RTL4: variants seen among roughly 807,000 people sequenced by gnomAD.
RTL4 encodes the protein retrotransposon Gag-like protein 4.
Under a neutral mutation model 5.3 loss-of-function variants are expected in RTL4, and 4 were observed. The observed-to-expected ratio is 0.75, with a 90% confidence interval of 0.37 to 1.72. The LOEUF is 1.72. Ranked by LOEUF, RTL4 falls within the 40% of genes most tolerant of loss-of-function variation. RTL4 has a pLI of 0.04. For synonymous variants in RTL4, 98 were observed against 87.3 expected (o/e 1.12, Z -0.68); for missense variants, 260 against 227.1 (o/e 1.14, Z -0.93).
the RTL4 span, among the ~76,000 whole-genome samples, chrX:112,400,907 C>T: frequency 1.8e-5 from 2 of 111,318 alleles, no homozygotes; most frequent in Admixed American, 1.9e-4. Flanking sequence ...CCTAGACTCT[C>T]AGCTCTGTCT....
the RTL4 span, among the ~76,000 whole-genome samples, chrX:112,155,882 C>A: frequency 9.0e-6 from 1 of 111,326 alleles, no homozygotes; most frequent in African/African-American, 3.3e-5. Flanking sequence ...TATTACTAAT[C>A]TTGTTATTAA....
At chrX:112,187,375 G>T in the RTL4 span, among the ~76,000 whole-genome samples, 1 of 111,637 alleles carries the variant, frequency 9.0e-6, no homozygotes, top group African/African-American at 3.3e-5. Context: ...CTAGGTGACA[G>T]ACAACATTCA....
At chrX:112,268,197 G>A in the RTL4 span, among the ~76,000 whole-genome samples, 3 of 111,091 alleles carry the variant, frequency 2.7e-5, no homozygotes, top group Middle Eastern at 0.014. Context: ...TTCTTACTTT[G>A]TTCTAACCAC....
the RTL4 span, among the ~76,000 whole-genome samples, chrX:112,136,191 C>T: frequency 2.7e-5 from 3 of 111,534 alleles, no homozygotes; most frequent in African/African-American, 9.7e-5. Context: ...TATCTTGCAA[C>T]TTTACTGAAT....
the RTL4 span, among the ~76,000 whole-genome samples, chrX:112,370,376 A>G: frequency 9.0e-6 from 1 of 111,380 alleles, no homozygotes; most frequent in Non-Finnish European, 1.9e-5. Flanking sequence ...TCACGGTAAC[A>G]ACAGTTAAAT....
At chrX:112,090,651 A>T in the RTL4 span, among the ~76,000 whole-genome samples, 3 of 111,246 alleles carry the variant, frequency 2.7e-5, no homozygotes, top group South Asian at 1.1e-3. Context: ...TTGGTTTACT[A>T]GTATTTTTTT....
the RTL4 span, among the ~76,000 whole-genome samples, chrX:112,155,291 C>A: frequency 9.1e-6 from 1 of 110,248 alleles, no homozygotes; most frequent in East Asian, 2.8e-4. Flanking sequence ...CCTGGCTTTT[C>A]TTTTTAAATT....
chrX:112,181,075 G>A, the RTL4 span, among the ~76,000 whole-genome samples: 1 of 111,166 alleles, frequency 9.0e-6, no homozygotes, highest in African/African-American at 3.3e-5. Context: ...GAAGTGCAAG[G>A]CGTCAGGGAA....
At chrX:112,392,185 C>G in the RTL4 span, among the ~76,000 whole-genome samples, 1 of 112,025 alleles carries the variant, frequency 8.9e-6, no homozygotes, top group Non-Finnish European at 1.9e-5. Context: ...TTCAGTTGCC[C>G]CTGGGGGCTC....
chrX:112,151,441 T>C, the RTL4 span, among the ~76,000 whole-genome samples: 2 of 112,081 alleles, frequency 1.8e-5, no homozygotes, highest in Non-Finnish European at 3.8e-5. Flanking sequence ...CACAACCTGG[T>C]GTGCACTAAC....
chrX:112,403,498 T>C, the RTL4 span, among the ~76,000 whole-genome samples: 1 of 111,891 alleles, frequency 8.9e-6, no homozygotes, highest in South Asian at 3.8e-4. Context: ...TATTTGACTT[T>C]GAGAAACCCA....
the RTL4 span, among the ~76,000 whole-genome samples, chrX:112,395,332 G>A: frequency 2.7e-5 from 3 of 111,155 alleles, no homozygotes; most frequent in East Asian, 8.4e-4. Flanking sequence ...CTAAAGGAGA[G>A]AATAGATGTC....
At chrX:112,174,169 G>A in the RTL4 span, among the ~76,000 whole-genome samples, 5 of 101,584 alleles carry the variant, frequency 4.9e-5, no homozygotes, top group African/African-American at 1.8e-4. Flanking sequence ...CCATGCTGGT[G>A]TGCTGCACCC....
the RTL4 span, among the ~76,000 whole-genome samples, chrX:112,188,889 G>T: frequency 9.0e-6 from 1 of 110,694 alleles, no homozygotes; most frequent in East Asian, 2.9e-4. Context: ...GAAAAGTGGG[G>T]CCAATAGAGA....
At chrX:112,318,974 T>C in the RTL4 span, among the ~76,000 whole-genome samples, 1 of 111,499 alleles carries the variant, frequency 9.0e-6, no homozygotes, top group Non-Finnish European at 1.9e-5. Flanking sequence ...TTTTTAGTTC[T>C]TCCAAGGTCA....
At chrX:112,249,478 G>A in the RTL4 span, among the ~76,000 whole-genome samples, 1 of 111,204 alleles carries the variant, frequency 9.0e-6, no homozygotes, top group South Asian at 3.8e-4. Context: ...AGGTGTTTCT[G>A]GATGAGAGTA....
chrX:112,249,644 G>A, the RTL4 span, among the ~76,000 whole-genome samples: 2 of 109,704 alleles, frequency 1.8e-5, no homozygotes, highest in Non-Finnish European at 3.8e-5. Context: ...ACTCAGATTG[G>A]AACTTACATC....
chrX:112,233,177 C>A, the RTL4 span, among the ~76,000 whole-genome samples: 1 of 111,944 alleles, frequency 8.9e-6, no homozygotes, highest in Non-Finnish European at 1.9e-5. Context: ...CACCTACCAA[C>A]AGAGTGTAAA....
At chrX:112,175,110 T>C in the RTL4 span, among the ~76,000 whole-genome samples, 1 of 106,932 alleles carries the variant, frequency 9.4e-6, no homozygotes, top group African/African-American at 3.4e-5. Context: ...AATTTTGGCT[T>C]TTGTTGCCAT....
Sources: allele counts gnomAD v4.1 joint callset (sites outside exome capture counted in the v4.1 genomes callset), GRCh38; gene constraint gnomAD v4.1.1; transcripts MANE v1.5; gene names NCBI Gene and HGNC (gene_info 2026-07-23, HGNC 2026-07-21).